The following FAT2 variants were observed in gnomAD, a reference collection of about 807,000 sequenced individuals.
FAT2 encodes the protein protocadherin Fat 2.
A neutral mutation model predicts 295.3 loss-of-function variants in FAT2; 150 were observed. That is an observed-to-expected ratio of 0.51 (90% CI 0.44 to 0.58). The LOEUF (loss-of-function observed/expected upper bound fraction) is 0.58, where lower values mean the gene tolerates loss of function less well. Ranked by LOEUF, FAT2 falls within the 20% of genes least tolerant of loss-of-function variation. FAT2 has a pLI of 0.00. For synonymous variants in FAT2, 2,026 were observed against 2,150.3 expected (o/e 0.94, Z 1.60); for missense variants, 4,868 against 5,442.7 (o/e 0.89, Z 3.32).
At chr5:151,554,943 G>A (rs1188779052) in intron 4 of FAT2, among the ~76,000 whole-genome samples, 1 of 152,176 alleles carries the variant, frequency 6.6e-6, no homozygotes. Context: ...GACAACCCCT[G>A]GGCCATTTCT....
intron 2 of FAT2, 25 bp downstream of exon 2, chr5:151,565,648 C>CA: frequency 7.4e-7 from 1 of 1,359,312 alleles, no homozygotes; most frequent in East Asian, 2.6e-5. Context: ...GGCCCTGGCA[C>CA]CCCACCCTAC....
At position 151,544,522 on chromosome 5, in the gene FAT2, C is replaced by T. The variant is rs1342973239; in HGVS notation, c.6605G>A (p.Arg2202Gln). 8.1e-6 allele frequency: 13 copies of T among 1,613,788 alleles called. No individual in the cohort carries two copies. Among genetic ancestry groups the T allele is most frequent in the Middle Eastern group, 1.7e-4 (1 of 6,020 alleles). The change falls in exon 10 of 24, where the codon CGG becomes CAG. Residue 2202 changes from arginine to glutamine, a missense_variant. By Grantham distance (43) the Arg-to-Gln change is conservative. Transcript: ENST00000261800. ...HTQARSPEGL[R>Q]LIYNIVEEEP... ...TTCCTCCACAATGTTGTAGATGAGC[C>T]GGAGTCCCTCTGGACTCCGGGCCTG...
chr5:151,553,970 A>G (rs1757463193), intron 5 of FAT2, among the ~76,000 whole-genome samples: 1 of 152,202 alleles, frequency 6.6e-6, no homozygotes, highest in African/African-American at 2.4e-5. Flanking sequence ...GCTACCTGAT[A>G]TATTGGCTTC....
chr5:151,536,358 A>G (rs2127596274), intron 12 of FAT2, among the ~76,000 whole-genome samples: 1 of 152,212 alleles, frequency 6.6e-6, no homozygotes, highest in Middle Eastern at 3.4e-3. Context: ...ATTGTCCCCT[A>G]TCTACCCAGA....
chr5:151,544,540 C>T lies in FAT2; in HGVS notation c.6587G>A (p.Arg2196Gln), dbSNP rs773736178. Residue 2196 changes from arginine (R) to glutamine (Q), a missense_variant, in exon 10 of 24, where the codon CGG becomes CAG. Arg to Gln is a conservative substitution (Grantham distance 43, BLOSUM62 1). Around this residue, in one of 5 missense-constraint regions of FAT2, gnomAD observed 3,297 missense variants for 3,669.4 expected, o/e 0.90. Transcript: ENST00000261800. ...LYTPILHTQARSPEGLRLIYN... is the reference protein window; with the variant it reads ...LYTPILHTQAQSPEGLRLIYN... Reference sequence around the variant, plus strand: ...GATGAGCCGGAGTCCCTCTGGACTCCGGGCCTGGGTGTGGAGAATTGGGGT... The same window carrying T: ...GATGAGCCGGAGTCCCTCTGGACTCTGGGCCTGGGTGTGGAGAATTGGGGT... 2.4e-5 allele frequency: 38 copies of T among 1,612,808 alleles called. No homozygotes were observed. Among genetic ancestry groups the T allele is most frequent in the South Asian group, 1.5e-4 (14 of 90,962 alleles).
At chr5:151,507,865 G>C (rs894697288) in intron 22 of FAT2, among the ~76,000 whole-genome samples, 1 of 152,166 alleles carries the variant, frequency 6.6e-6, no homozygotes, top group Non-Finnish European at 1.5e-5. Flanking sequence ...CCAGCAATGA[G>C]ATCTAGGCAC....
At chr5:151,589,628 G>T (rs1759319334) in intron 1 of FAT2, among the ~76,000 whole-genome samples, 1 of 152,182 alleles carries the variant, frequency 6.6e-6, no homozygotes, top group Non-Finnish European at 1.5e-5. Context: ...AGGTGTGGTG[G>T]CTCATGCCTG....
chr5:151,585,196 A>C (rs1354060414), intron 1 of FAT2, among the ~76,000 whole-genome samples: 1 of 152,234 alleles, frequency 6.6e-6, no homozygotes, highest in Admixed American at 6.5e-5. Flanking sequence ...TAGCCTGGCC[A>C]TCTGAATAAG....
At chr5:151,551,236 T>C (rs959101950) in intron 7 of FAT2, among the ~76,000 whole-genome samples, 1 of 152,222 alleles carries the variant, frequency 6.6e-6, no homozygotes, top group Non-Finnish European at 1.5e-5. Flanking sequence ...ACTCTATCTT[T>C]AATTAAAACT....
chr5:151,542,222 C>T, intron 10 of FAT2, 63 bp downstream of exon 10: 1 of 1,482,482 alleles, frequency 6.7e-7, no homozygotes, highest in Non-Finnish European at 9.1e-7. Context: ...CATTTTAGGG[C>T]ACCTCTTCCT....
rs1232382188 is a variant in FAT2 at position 151,505,184 on chromosome 5, T to TA, written c.*380dup. On this transcript the variant is annotated 3_prime_UTR_variant, in exon 24 of 24. Coordinates refer to ENST00000261800, the MANE Select transcript of FAT2 (RefSeq NM_001447.3). The stretch of plus-strand genomic sequence containing the variant: ...CCTCCAAAATGGAGCTGTGGGCAGG[T>TA]ATGAGAATGCATCTTGGTGAAGTTG... 1 of 309,718 alleles carries TA rather than the reference T, an allele frequency of 3.2e-6. No individual in the cohort carries two copies. The highest frequency in any genetic ancestry group is 2.2e-5 in the African/African-American group (1 of 44,818). 19.2% of individuals were successfully genotyped at this position (309,718 alleles called of 1,614,324 possible). A position where few individuals can be genotyped will look rare whatever the true frequency, so the allele number is the denominator to read the frequency against.
In FAT2 at chr5:151,532,388, A is replaced by AACAC. The variant is rs3056512; in HGVS notation, c.9428-422_9428-419dup. On this transcript the variant is annotated intron_variant, in intron 13 of 23. Transcript: ENST00000261800. ...GCATAGAACTAAGTGTGCGTGTACAAACACACACACACACACACACACACA... is the reference window on the plus strand; with the variant it reads ...GCATAGAACTAAGTGTGCGTGTACAAACACACACACACACACACACACACACACA... Among the ~76,000 whole-genome samples, 36 of 150,496 alleles carry AACAC rather than the reference A, an allele frequency of 2.4e-4. No individual in the cohort carries two copies. In the South Asian group the frequency reaches 5.5e-3, roughly 23 times the overall value.
chr5:151,558,392 GA>G (rs1371158440), intron 3 of FAT2, among the ~76,000 whole-genome samples: 1 of 152,132 alleles, frequency 6.6e-6, no homozygotes, highest in Non-Finnish European at 1.5e-5. Flanking sequence ...GAAGCGGGCG[GA>G]TCACCTGAGG....
chr5:151,537,688 G>C (rs1581374476), intron 12 of FAT2, 105 bp downstream of exon 12: 1 of 1,129,944 alleles, frequency 8.8e-7, no homozygotes, highest in East Asian at 2.4e-5. Flanking sequence ...TTTGCTGATA[G>C]ATGAGTGAAT....
At chr5:151,537,339 A>T (rs7446802) in intron 12 of FAT2, among the ~76,000 whole-genome samples, 1 of 126,506 alleles carries the variant, frequency 7.9e-6, no homozygotes, top group East Asian at 2.6e-4. Context: ...GAAAGAAAAG[A>T]AAAGAAAAGA....
chr5:151,506,972 C>T (rs1760934943), intron 23 of FAT2, among the ~76,000 whole-genome samples, 182 bp downstream of exon 23: 1 of 152,234 alleles, frequency 6.6e-6, no homozygotes, highest in Non-Finnish European at 1.5e-5. Context: ...GAATGAGCCT[C>T]AGAAACCTGG....
At position 151,568,292 on chromosome 5, in the gene FAT2, G is replaced by A. The variant is rs777148610; in HGVS notation, c.640C>T (p.Arg214Ter). The change falls in exon 2 of 24, where the codon CGA (arginine) becomes TGA (stop). Residue 214 changes from arginine (R) to a stop codon, truncating the protein, a stop_gained. Transcript: ENST00000261800. LOFTEE classifies it high-confidence loss of function. ...AGCACCTGGAGCTCATGCTTTCCTC[G>A]CCAGGTGACGTTAAGCTTCCCAGCC... ...TVAGKLNVTW[R>*]GKHELQVLAV... is the part of the protein sequence containing the mutation. The A allele has an allele frequency of 1.8e-5, 29 of 1,613,990 alleles. No individual in the cohort carries two copies. Among genetic ancestry groups the A allele is most frequent in the Admixed American group, 3.3e-5 (2 of 59,994 alleles).
At chr5:151,537,267 A>G (rs139369765) in intron 12 of FAT2, among the ~76,000 whole-genome samples, 280 of 149,064 alleles carry the variant, frequency 1.9e-3, no homozygotes, top group African/African-American at 6.1e-3. Context: ...TAAGAAGACG[A>G]TGGTGGTGGT....
intron 9 of FAT2, among the ~76,000 whole-genome samples, chr5:151,548,084 C>G (rs1756829180): frequency 1.3e-5 from 2 of 152,090 alleles, no homozygotes; most frequent in African/African-American, 4.8e-5. Context: ...GCATTATAAT[C>G]CATATTCTTC....
Sources: gnomAD v4.1 joint callset for allele counts (sites outside exome capture counted in the v4.1 genomes callset) on GRCh38, gnomAD v4.1.1 for gene constraint, gnomAD v4.1.1 regional missense constraint, MANE v1.5 for transcripts, NCBI Gene and HGNC (gene_info 2026-07-23, HGNC 2026-07-21) for gene names.